XPR1: variants seen among roughly 807,000 people sequenced by gnomAD.
XPR1 encodes solute carrier family 53 member 1.
Under a neutral mutation model 87.5 loss-of-function variants are expected in XPR1, and 28 were observed. The ratio of observed to expected loss-of-function variants is 0.32; its 90% CI spans 0.24 to 0.44. The LOEUF (loss-of-function observed/expected upper bound fraction) is 0.44. Ranked by LOEUF, XPR1 falls within the 20% of genes least tolerant of loss-of-function variation. The probability of loss-of-function intolerance (pLI) is 1.00; values close to 1 mark genes in which losing one functional copy is unlikely to be tolerated. For synonymous variants in XPR1, 300 were observed against 306.1 expected (o/e 0.98, Z 0.21); for missense variants, 559 against 862.3 (o/e 0.65, Z 4.41).
rs1425897897 is a variant in XPR1, at chr1:180,634,239, A to G, written c.69+1969A>G. ...ATTATCTTTCTCAGGGCAGTTATAA[A>G]TTATGTTTTGAAAAATTCGTTTATT... On this transcript the variant is annotated intron_variant, in intron 1 of 14. Transcript: ENST00000367590. 2.0e-5 allele frequency among the ~76,000 whole-genome samples: 3 copies of G among 152,174 alleles called. No individual in the cohort carries two copies. In the East Asian group the frequency reaches 5.8e-4, roughly 29 times the overall value.
intron 10 of XPR1, among the ~76,000 whole-genome samples, 192 bp downstream of exon 10, chr1:180,835,237 G>A (rs1558032093): frequency 6.6e-6 from 1 of 152,132 alleles, no homozygotes; most frequent in Non-Finnish European, 1.5e-5. Flanking sequence ...TATGCATTAG[G>A]ATTTCGTCTG....
chr1:180,735,053 G>A (rs1193217066), intron 2 of XPR1, among the ~76,000 whole-genome samples: 2 of 152,188 alleles, frequency 1.3e-5, no homozygotes, highest in African/African-American at 2.4e-5. Context: ...TTACTCATAG[G>A]AATTGGTCTT....
intron 1 of XPR1, among the ~76,000 whole-genome samples, chr1:180,652,573 C>T (rs537881171): frequency 9.9e-5 from 15 of 152,252 alleles, no homozygotes; most frequent in South Asian, 6.2e-4. Context: ...GTAGCTTTGA[C>T]ATATGGGAAT....
intron 2 of XPR1, among the ~76,000 whole-genome samples, chr1:180,759,028 A>G (rs1489471281): frequency 6.6e-6 from 1 of 152,234 alleles, no homozygotes; most frequent in Non-Finnish European, 1.5e-5. Flanking sequence ...TGGGTACATA[A>G]CAAAATGAAG....
rs558902152 is a variant in XPR1 at position 180,829,900 on chromosome 1, A to G, written c.1134+4556A>G. On this transcript the variant is annotated intron_variant, in intron 9 of 14. Coordinates refer to ENST00000367590, the MANE Select transcript of XPR1 (RefSeq NM_004736.4). Reference sequence around the variant, plus strand: ...CATCCCTTTTTTCCTTATTTAATGCATTATCTCCCTCTTCTGCTCTTATGG... The same window carrying G: ...CATCCCTTTTTTCCTTATTTAATGCGTTATCTCCCTCTTCTGCTCTTATGG... 2.0e-5 allele frequency among the ~76,000 whole-genome samples: 3 copies of G among 150,360 alleles called. No individual in the cohort carries two copies. The East Asian group carries it at 5.9e-4, about 29-fold the overall frequency.
intron 2 of XPR1, among the ~76,000 whole-genome samples, chr1:180,780,807 T>C (rs576670534): frequency 6.6e-6 from 1 of 151,876 alleles, no homozygotes; most frequent in African/African-American, 2.4e-5. Flanking sequence ...GAAAGTCCTT[T>C]TGTATTCTGG....
At chr1:180,860,547 C>G (rs1220880303) in intron 11 of XPR1, among the ~76,000 whole-genome samples, 1 of 152,076 alleles carries the variant, frequency 6.6e-6, no homozygotes, top group Non-Finnish European at 1.5e-5. Flanking sequence ...CTGATACATG[C>G]AACAACATGG....
chr1:180,684,141 C>G (rs1055840478), intron 2 of XPR1, among the ~76,000 whole-genome samples: 63 of 152,202 alleles, frequency 4.1e-4, no homozygotes, highest in East Asian at 1.5e-3. Flanking sequence ...ATTAATTTTT[C>G]TATAAGGTGT....
chr1:180,749,246 A>G (rs1647419506), intron 2 of XPR1, among the ~76,000 whole-genome samples: 1 of 152,238 alleles, frequency 6.6e-6, no homozygotes, highest in Admixed American at 6.5e-5. Context: ...AATGCCAATG[A>G]AGCAGATTAA....
chr1:180,747,199 A>G (rs1647289479), intron 2 of XPR1, among the ~76,000 whole-genome samples: 1 of 152,200 alleles, frequency 6.6e-6, no homozygotes, highest in African/African-American at 2.4e-5. Context: ...CCTAAAACTT[A>G]GACGTAAGTA....
In XPR1 at chr1:180,877,777, GACTA is replaced by G. The variant is rs374563789; in HGVS notation, c.1809-2295_1809-2292del. On this transcript the variant is annotated intron_variant, in intron 13 of 14. Coordinates refer to ENST00000367590, the MANE Select transcript of XPR1 (RefSeq NM_004736.4). ...AGGCAAATTAGCCAAGAGAAAGAAG[GACTA>G]ACTTTCAACAGCAACAGTGAAAGTC... 5.0e-3 allele frequency among the ~76,000 whole-genome samples: 766 copies of G among 152,016 alleles called. 4 individuals are homozygous for G. The highest frequency in any genetic ancestry group is 0.016 in the African/African-American group (672 of 41,462).
At chr1:180,851,307 T>A (rs1651863357) in intron 11 of XPR1, among the ~76,000 whole-genome samples, 1 of 152,168 alleles carries the variant, frequency 6.6e-6, no homozygotes, top group African/African-American at 2.4e-5. Flanking sequence ...AATGCTGATA[T>A]CCATTTACAA....
intron 14 of XPR1, among the ~76,000 whole-genome samples, chr1:180,881,691 AC>A (rs1185199541): frequency 2.0e-5 from 3 of 152,192 alleles, no homozygotes; most frequent in African/African-American, 7.2e-5. Flanking sequence ...GAAGTAAGAA[AC>A]AGGAGGTAGT....
chr1:180,761,663 A>G (rs911865910), intron 2 of XPR1, among the ~76,000 whole-genome samples: 1 of 152,158 alleles, frequency 6.6e-6, no homozygotes, highest in African/African-American at 2.4e-5. Context: ...ACACTTTTAC[A>G]CTGTTGGTGG....
intron 1 of XPR1, among the ~76,000 whole-genome samples, chr1:180,663,460 C>T (rs1374587268): frequency 1.3e-5 from 2 of 152,174 alleles, no homozygotes; most frequent in Non-Finnish European, 2.9e-5. Context: ...GGTAGAGACT[C>T]TTGTTCTCAT....
chr1:180,725,351 G>A (rs1658302876), intron 2 of XPR1, among the ~76,000 whole-genome samples: 1 of 152,154 alleles, frequency 6.6e-6, no homozygotes, highest in African/African-American at 2.4e-5. Context: ...CACTGAGAGA[G>A]TATAGGGACA....
intron 2 of XPR1, among the ~76,000 whole-genome samples, chr1:180,750,329 T>G (rs545545987): frequency 7.9e-5 from 12 of 152,290 alleles, no homozygotes; most frequent in African/African-American, 2.9e-4. Flanking sequence ...AACTAATTGC[T>G]GATCATTGAA....
intron 6 of XPR1, among the ~76,000 whole-genome samples, chr1:180,811,087 G>A (rs976827176): frequency 1.3e-5 from 2 of 151,818 alleles, no homozygotes; most frequent in African/African-American, 4.8e-5. Flanking sequence ...TTTTTTACTG[G>A]TTTTTGTTCC....
At chr1:180,762,037 C>G (rs187672502) in intron 2 of XPR1, among the ~76,000 whole-genome samples, 2 of 150,146 alleles carry the variant, frequency 1.3e-5, no homozygotes, top group Admixed American at 1.3e-4. Flanking sequence ...AACCAAACAC[C>G]GCATGTTCTC....
Sources: allele counts gnomAD v4.1 joint callset (sites outside exome capture counted in the v4.1 genomes callset), GRCh38; gene constraint gnomAD v4.1.1; transcripts MANE v1.5; gene names NCBI Gene and HGNC (gene_info 2026-07-23, HGNC 2026-07-21).